The following SIPA1L1 variants were observed in gnomAD, a reference collection of about 807,000 sequenced individuals.
SIPA1L1 encodes the protein signal induced proliferation associated 1 like 1.
Under a neutral mutation model 162.7 loss-of-function variants are expected in SIPA1L1, and 26 were observed. That is an observed-to-expected ratio of 0.16 (90% CI 0.12 to 0.22). SIPA1L1 has a LOEUF of 0.22. SIPA1L1 is among the 10% of genes least tolerant of loss of function. The probability of loss-of-function intolerance (pLI) is 1.00; values close to 1 mark genes in which losing one functional copy is unlikely to be tolerated. For synonymous variants in SIPA1L1, 829 were observed against 837.4 expected (o/e 0.99, Z 0.17); for missense variants, 1,874 against 2,241.0 (o/e 0.84, Z 3.31).
chr14:71,701,407 C>T (rs1221263740), intron 14 of SIPA1L1, among the ~76,000 whole-genome samples: 2 of 149,074 alleles, frequency 1.3e-5, no homozygotes, highest in Non-Finnish European at 3.0e-5. Context: ...TTTTGTGGAG[C>T]CTGGGGTCTC....
chr14:71,654,437 A>G (rs2042890199), intron 8 of SIPA1L1, among the ~76,000 whole-genome samples: 1 of 152,148 alleles, frequency 6.6e-6, no homozygotes, highest in South Asian at 2.1e-4. Context: ...ATTTGGGGGA[A>G]TTATTTCCTG....
chr14:71,441,659 A>G (rs550330276), intron 2 of SIPA1L1, among the ~76,000 whole-genome samples: 2 of 152,132 alleles, frequency 1.3e-5, no homozygotes, highest in Non-Finnish European at 1.5e-5. Context: ...TGCTTGTTGA[A>G]TGAACGTTGG....
At chr14:71,464,297 C>T (rs1314218153) in intron 2 of SIPA1L1, among the ~76,000 whole-genome samples, 1 of 152,060 alleles carries the variant, frequency 6.6e-6, no homozygotes, top group Admixed American at 6.6e-5. Flanking sequence ...TTCAGGTAAC[C>T]AAGCAAATAA....
At chr14:71,435,282 C>G (rs1221475695) in intron 2 of SIPA1L1, among the ~76,000 whole-genome samples, 1 of 151,928 alleles carries the variant, frequency 6.6e-6, no homozygotes, top group Admixed American at 6.6e-5. Context: ...CCCATTAATT[C>G]ATCATTTACA....
chr14:71,644,593 A>G (rs1246717863), intron 7 of SIPA1L1, among the ~76,000 whole-genome samples: 2 of 152,224 alleles, frequency 1.3e-5, no homozygotes, highest in African/African-American at 4.8e-5. Flanking sequence ...AGTCATTTGG[A>G]AAAATTGGTT....
Position 71,655,088 on chromosome 14 carries a change from G to A in SIPA1L1, c.1994-3245G>A, listed in dbSNP as rs567472968. ...GTACCCAGTAGGTGGAGATTTTGAG[G>A]TGGAGTAGGGTTCTCCAACCCTTCC... On this transcript the variant is annotated intron_variant, in intron 8 of 23. Transcript: ENST00000381232. Among the ~76,000 whole-genome samples the A allele has an allele frequency of 7.9e-5, 12 of 152,224 alleles. No individual in the cohort carries two copies. In the South Asian group the frequency reaches 2.1e-3, roughly 26 times the overall value.
intron 18 of SIPA1L1, 76 bp from the exon 19 acceptor site, chr14:71,724,594 A>T: frequency 8.5e-7 from 1 of 1,172,286 alleles, no homozygotes; most frequent in Non-Finnish European, 1.2e-6. Context: ...ATTGACTTAC[A>T]TCCTTTAGAG....
At chr14:71,685,060 C>T (rs1464417341) in intron 12 of SIPA1L1, among the ~76,000 whole-genome samples, 5 of 152,142 alleles carry the variant, frequency 3.3e-5, no homozygotes, top group African/African-American at 1.2e-4. Flanking sequence ...GTGGCCTTTC[C>T]TCCTCAGGTC....
chr14:71,323,022 A>G (rs2033287131), intron 2 of SIPA1L1, among the ~76,000 whole-genome samples: 1 of 152,252 alleles, frequency 6.6e-6, no homozygotes, highest in African/African-American at 2.4e-5. Flanking sequence ...CCTCTCTGAT[A>G]CTTTGTACTG....
chr14:71,479,856 A>T (rs2048203870), intron 2 of SIPA1L1, among the ~76,000 whole-genome samples: 1 of 152,090 alleles, frequency 6.6e-6, no homozygotes, highest in Non-Finnish European at 1.5e-5. Context: ...CCTCCCTAGT[A>T]GCTGGGACTA....
chr14:71,504,810 C>T (rs2050525617), intron 2 of SIPA1L1, among the ~76,000 whole-genome samples: 1 of 152,152 alleles, frequency 6.6e-6, no homozygotes, highest in South Asian at 2.1e-4. Context: ...CTTGGGACTT[C>T]TACCTTTTTT....
At chr14:71,505,183 A>G (rs2050558744) in intron 2 of SIPA1L1, among the ~76,000 whole-genome samples, 2 of 152,034 alleles carry the variant, frequency 1.3e-5, no homozygotes, top group Non-Finnish European at 2.9e-5. Flanking sequence ...TGCCCAGGTG[A>G]TCAACAATTT....
At chr14:71,733,891 G>A in intron 21 of SIPA1L1, 79 bp downstream of exon 21, 1 of 1,449,666 alleles carries the variant, frequency 6.9e-7, no homozygotes, top group Non-Finnish European at 9.3e-7. Flanking sequence ...TACTTCTCTG[G>A]ACACACTCAA....
intron 2 of SIPA1L1, among the ~76,000 whole-genome samples, chr14:71,346,033 G>A (rs1267824765): frequency 6.6e-6 from 1 of 151,972 alleles, no homozygotes; most frequent in East Asian, 1.9e-4. Flanking sequence ...TCAGCCTCCC[G>A]AGTAGCTGGG....
Position 71,631,847 on chromosome 14 carries a change from T to C in SIPA1L1, c.1818+7611T>C, listed in dbSNP as rs544510405. On this transcript the variant is annotated intron_variant, in intron 7 of 23. Coordinates refer to ENST00000381232, the MANE Select transcript of SIPA1L1 (RefSeq NM_001386936.1). The stretch of plus-strand genomic sequence containing the variant: ...TGCTCTCAATACGGAATTTTTCCAG[T>C]TTCTTTGTCATTCTTTTTGGAGGAC... Among the ~76,000 whole-genome samples the C allele has an allele frequency of 1.3e-3, 202 of 152,356 alleles. 2 individuals are homozygous for C. Among genetic ancestry groups the C allele is most frequent in the African/African-American group, 4.5e-3 (186 of 41,590 alleles).
chr14:71,593,807 T>C (rs2147792593), intron 5 of SIPA1L1, among the ~76,000 whole-genome samples: 1 of 152,266 alleles, frequency 6.6e-6, no homozygotes. Flanking sequence ...GTTGCTCCAC[T>C]GATCAACAGT....
chr14:71,633,738 A>C (rs1435034508), intron 7 of SIPA1L1, among the ~76,000 whole-genome samples: 1 of 152,202 alleles, frequency 6.6e-6, no homozygotes, highest in African/African-American at 2.4e-5. Flanking sequence ...GACAGAGGAA[A>C]AAATCAGTGA....
At chr14:71,654,269 T>C (rs969031721) in intron 8 of SIPA1L1, among the ~76,000 whole-genome samples, 3 of 152,192 alleles carry the variant, frequency 2.0e-5, no homozygotes, top group Non-Finnish European at 2.9e-5. Context: ...AAATTTTTAA[T>C]AGGGGATTTT....
At chr14:71,719,151 C>G (rs1252985547) in intron 17 of SIPA1L1, among the ~76,000 whole-genome samples, 1 of 152,040 alleles carries the variant, frequency 6.6e-6, no homozygotes, top group Non-Finnish European at 1.5e-5. Flanking sequence ...ATTGCCCAGG[C>G]TGGTCTCAAA....
Sources: allele counts gnomAD v4.1 joint callset (sites outside exome capture counted in the v4.1 genomes callset), GRCh38; gene constraint gnomAD v4.1.1; transcripts MANE v1.5; gene names NCBI Gene and HGNC (gene_info 2026-07-23, HGNC 2026-07-21).